The following LRRC9 variants were observed in gnomAD, a reference collection of about 807,000 sequenced individuals.
The protein encoded by LRRC9 is leucine-rich repeat-containing protein 9.
In LRRC9, 122 loss-of-function variants were observed where a neutral mutation model predicts 63.2. The observed-to-expected ratio is 1.93, with a 90% CI of 1.67 to 2.24. LRRC9 has a LOEUF of 2.24. Among genes scored for constraint, LRRC9 ranks in the 30% most tolerant of loss-of-function variants. The pLI is 0.00. For missense variants in LRRC9, 1,071 were observed against 627.7 expected (o/e 1.71, Z -7.55); for synonymous variants, 366 against 213.1 (o/e 1.72, Z -6.25).
chr14:59,981,701 C>A lies in LRRC9; in HGVS notation c.1879-147C>A. On this transcript the variant is annotated intron_variant, in intron 15 of 31. Transcript: ENST00000445360. ...GCATAGCCTACAATTTTAATCTGCTCTCATAGATGTCCTAATGTGATTCTG... is the reference window on the plus strand; with the variant it reads ...GCATAGCCTACAATTTTAATCTGCTATCATAGATGTCCTAATGTGATTCTG... 4 of 598,118 alleles carry A rather than the reference C, an allele frequency of 6.7e-6. No homozygotes were observed. The East Asian group carries it at 1.1e-4, about 17-fold the overall frequency. 37.1% of individuals were successfully genotyped at this position (598,118 alleles called of 1,614,324 possible).
chr14:60,030,448 T>A (rs1891901747), intron 28 of LRRC9: 1 of 152,036 alleles, frequency 6.6e-6, no homozygotes, highest in African/African-American at 2.4e-5. Context: ...TCCTGTTTGA[T>A]CCCTGTGTGT....
exon 17 of LRRC9, chr14:59,985,135 A>G (rs1284598265): frequency 1.5e-6 from 1 of 689,232 alleles, no homozygotes; most frequent in South Asian, 1.5e-5. Context: ...CAGCTTGAGT[A>G]AATTGAGAGA....
At chr14:59,961,688 G>T (rs1395546195) in intron 10 of LRRC9, among the ~76,000 whole-genome samples, 1 of 152,084 alleles carries the variant, frequency 6.6e-6, no homozygotes, top group Non-Finnish European at 1.5e-5. Context: ...AGACAGCCAG[G>T]CTTTAGAACC....
intron 10 of LRRC9, among the ~76,000 whole-genome samples, chr14:59,963,727 T>C (rs1186417462): frequency 6.6e-6 from 1 of 152,194 alleles, no homozygotes; most frequent in Non-Finnish European, 1.5e-5. Context: ...CTTTCAGTAA[T>C]TAATCTGCCT....
At chr14:60,065,993 A>G (rs939312349), downstream of LRRC9, among the ~76,000 whole-genome samples, 4 of 151,968 alleles carry the variant, frequency 2.6e-5, no homozygotes, top group Admixed American at 2.6e-4. Context: ...TTTTAAAAAA[A>G]TTTTTGTAGA....
chr14:59,964,455 G>A lies in LRRC9; in HGVS notation c.1212-2134G>A, dbSNP rs1435868705. ...TCATTGCTCAGCTGCTGAATTCCTG[G>A]GCAACATAAAATCTCCATGAAAAAA... On this transcript the variant is annotated intron_variant, in intron 10 of 31. Coordinates refer to ENST00000445360, the Ensembl canonical transcript of LRRC9. The surrounding 1 kb of genome is among the most constrained non-coding windows in gnomAD (Gnocchi z 4.4). 5.9e-5 allele frequency among the ~76,000 whole-genome samples: 9 copies of A among 152,032 alleles called. No homozygotes were observed. Among genetic ancestry groups the A allele is most frequent in the Admixed American group, 5.2e-4 (8 of 15,266 alleles).
intron 1 of LRRC9, among the ~76,000 whole-genome samples, chr14:59,925,653 T>C (rs1193426848): frequency 6.6e-6 from 1 of 152,218 alleles, no homozygotes; most frequent in African/African-American, 2.4e-5. Context: ...AAATACAGAC[T>C]GTGTGCAATT....
At chr14:60,015,882 T>G (rs1198208246) in intron 23 of LRRC9, among the ~76,000 whole-genome samples, 18 of 152,174 alleles carry the variant, frequency 1.2e-4, no homozygotes, top group South Asian at 2.1e-4. Flanking sequence ...CAGCCCATTC[T>G]GCTTTTACTT....
rs95425 is a variant in LRRC9 at position 60,053,202 on chromosome 14, C to T, written c.4128C>T (p.Asn1376=). 560,102 of 696,514 alleles carry T rather than the reference C, an allele frequency of 0.8. 230,333 individuals are homozygous for T. Among genetic ancestry groups the T allele is most frequent in the Admixed American group, 0.87 (42,560 of 49,164 alleles). 43.1% of individuals were successfully genotyped at this position (696,514 alleles called of 1,614,324 possible). ...TCGCTGAACTACAAGCAAAGAAAAA[C>T]TCGGTAATAATTATATTATTTACAA... is the stretch of plus-strand genomic sequence containing the variant. Residue 1376 remains asparagine, a synonymous_variant, in exon 30 of 32, where the codon AAC becomes AAT. Transcript: ENST00000445360. The surrounding 1 kb of genome is among the most constrained non-coding windows in gnomAD (Gnocchi z 4.8).
rs1238620146 is a variant in LRRC9, at chr14:59,966,864, A to G, written c.1388+99A>G. On this transcript the variant is annotated intron_variant, in intron 11 of 31. Transcript: ENST00000445360. This position sits in a 1 kb window ranked among gnomAD's most constrained non-coding sequence, Gnocchi z 4.0. ...TTTACAGCATTAAAAATATACATAT[A>G]CCTTGTTAGTAAATGTTTCCTTTTT... 1 of 555,882 alleles carries G rather than the reference A, an allele frequency of 1.8e-6. No individual in the cohort carries two copies. The highest frequency in any genetic ancestry group is 3.0e-5 in the Admixed American group (1 of 32,834). 34.4% of individuals were successfully genotyped at this position (555,882 alleles called of 1,614,324 possible). A position where few individuals can be genotyped will look rare whatever the true frequency, so the allele number is the denominator to read the frequency against.
Position 60,053,247 on chromosome 14 carries a change from TAATG to T in LRRC9, c.4131+43_4131+46del, listed in dbSNP as rs146415741. The T allele has an allele frequency of 7.5e-3, 5,047 of 676,686 alleles. 235 individuals carry two copies. The East Asian group carries it at 0.092, about 12-fold the overall frequency. The allele number at this position is 676,686 out of a possible 1,614,324, so 41.9% of individuals were successfully genotyped here. On this transcript the variant is annotated intron_variant, in intron 30 of 31. Coordinates refer to ENST00000445360, the Ensembl canonical transcript of LRRC9. The surrounding 1 kb of genome is among the most constrained non-coding windows in gnomAD (Gnocchi z 4.8). ...TTACAATTTTCCTTTTGAAGCACAT[TAATG>T]GTTAGTAAATGAACATTATATCTTT...
intron 31 of LRRC9, 28 bp from the exon 33 acceptor site, chr14:60,063,295 T>C: frequency 1.4e-6 from 1 of 698,208 alleles, no homozygotes; most frequent in Non-Finnish European, 2.6e-6. Flanking sequence ...TCACCACTAT[T>C]TGACTAATTA....
intron 8 of LRRC9, among the ~76,000 whole-genome samples, chr14:59,946,554 G>A (rs923413156): frequency 7.4e-6 from 1 of 135,088 alleles, no homozygotes; most frequent in Non-Finnish European, 1.6e-5. Context: ...TGTGCACATT[G>A]TGCAGGTTAG....
At chr14:60,022,379 T>C (rs1321791397) in intron 26 of LRRC9, among the ~76,000 whole-genome samples, 1 of 151,828 alleles carries the variant, frequency 6.6e-6, no homozygotes, top group Non-Finnish European at 1.5e-5. Flanking sequence ...TTGCTTCAAG[T>C]AGTTTTTTGG....
intron 19 of LRRC9, among the ~76,000 whole-genome samples, chr14:60,000,570 G>A (rs1889263930): frequency 6.6e-6 from 1 of 152,174 alleles, no homozygotes; most frequent in Non-Finnish European, 1.5e-5. Context: ...ATAGACGGTG[G>A]AAACTTTATA....
At chr14:60,014,865 T>C (rs1890547382) in intron 23 of LRRC9, among the ~76,000 whole-genome samples, 1 of 152,140 alleles carries the variant, frequency 6.6e-6, no homozygotes, top group Non-Finnish European at 1.5e-5. Context: ...CCCCACATTA[T>C]TTCTCTTCTT....
rs1486246467 is a variant in LRRC9, at chr14:60,003,262, C to T, written c.2665-359C>T. Among the ~76,000 whole-genome samples the T allele has an allele frequency of 6.6e-6, 1 of 152,174 alleles. No homozygotes were observed. The highest frequency in any genetic ancestry group is 2.4e-5 in the African/African-American group (1 of 41,440). On this transcript the variant is annotated intron_variant, in intron 20 of 31. Coordinates refer to ENST00000445360, the Ensembl canonical transcript of LRRC9. The surrounding 1 kb of genome is among the most constrained non-coding windows in gnomAD (Gnocchi z 4.2). The stretch of plus-strand genomic sequence containing the variant: ...ATAGGCTTCCATCACTGGCTGAGGG[C>T]CAACCTGGGAAGGAGAGTGACCTTG...
chr14:60,029,697 T>C (rs1013499998), intron 28 of LRRC9, among the ~76,000 whole-genome samples: 17 of 152,120 alleles, frequency 1.1e-4, no homozygotes, highest in Non-Finnish European at 2.4e-4. Flanking sequence ...GATCAGCTGG[T>C]ATAACAACCA....
In LRRC9 at chr14:59,966,393, C is replaced by G. The variant is rs1311388406; in HGVS notation, c.1212-196C>G. ...AGTGTTTCAGAAAGTGAAGATTGCTCAACCAACCTGTCTTCCAGGCAGAAC... is the reference window on the plus strand; with the variant it reads ...AGTGTTTCAGAAAGTGAAGATTGCTGAACCAACCTGTCTTCCAGGCAGAAC... On this transcript the variant is annotated intron_variant, in intron 10 of 31. Transcript: ENST00000445360. This position sits in a 1 kb window ranked among gnomAD's most constrained non-coding sequence, Gnocchi z 4.0. Among the ~76,000 whole-genome samples, 1 of 152,142 alleles carries G rather than the reference C, an allele frequency of 6.6e-6. No individual in the cohort carries two copies. The highest frequency in any genetic ancestry group is 2.4e-5 in the African/African-American group (1 of 41,434).
Sources: allele counts gnomAD v4.1 joint callset (sites outside exome capture counted in the v4.1 genomes callset), GRCh38; gene constraint gnomAD v4.1.1; non-coding constraint Gnocchi (gnomAD v3.1); transcripts MANE v1.5; gene names NCBI Gene and HGNC (gene_info 2026-07-23, HGNC 2026-07-21).